The following DLG2 variants were observed in gnomAD, a reference collection of about 807,000 sequenced individuals.
The protein encoded by DLG2 is discs large MAGUK scaffold protein 2.
DLG2 carries 45 observed loss-of-function variants against 132.5 expected under a neutral mutation model. The observed-to-expected ratio is 0.34, with a 90% CI of 0.27 to 0.44. DLG2 has a LOEUF of 0.44. Ranked by LOEUF, DLG2 falls within the 20% of genes least tolerant of loss-of-function variation. The probability of loss-of-function intolerance (pLI) is 1.00; values close to 1 mark genes in which losing one functional copy is unlikely to be tolerated. For missense variants in DLG2, 1,045 were observed against 1,196.9 expected (o/e 0.87, Z 1.87); for synonymous variants, 424 against 419.6 (o/e 1.01, Z -0.13).
chr11:83,981,193 T>C (rs1177780083), intron 11 of DLG2, among the ~76,000 whole-genome samples: 1 of 152,158 alleles, frequency 6.6e-6, no homozygotes, highest in African/African-American at 2.4e-5. Context: ...TTTATATACA[T>C]GTAATAATTT....
intron 6 of DLG2, among the ~76,000 whole-genome samples, chr11:84,658,700 C>T (rs938106750): frequency 6.6e-6 from 1 of 152,124 alleles, no homozygotes; most frequent in Non-Finnish European, 1.5e-5. Context: ...CTCTTGCTCT[C>T]TCTCTGGCCA....
chr11:83,965,715 T>C (rs960181724), intron 12 of DLG2, among the ~76,000 whole-genome samples: 4 of 151,954 alleles, frequency 2.6e-5, no homozygotes, highest in Non-Finnish European at 5.9e-5. Flanking sequence ...ATAGTATTTG[T>C]GGGAAGGAAA....
chr11:84,816,889 A>G (rs923793321), intron 6 of DLG2, among the ~76,000 whole-genome samples: 2 of 152,042 alleles, frequency 1.3e-5, no homozygotes, highest in Non-Finnish European at 2.9e-5. Flanking sequence ...TACAACATTT[A>G]CTGCCATTCT....
intron 7 of DLG2, among the ~76,000 whole-genome samples, chr11:84,501,455 C>G (rs1055474400): frequency 6.6e-6 from 1 of 152,160 alleles, no homozygotes; most frequent in African/African-American, 2.4e-5. Flanking sequence ...GTCCTAGATA[C>G]TCCAGAGGCT....
chr11:85,476,763 C>T (rs1397627044), intron 3 of DLG2, among the ~76,000 whole-genome samples: 1 of 152,090 alleles, frequency 6.6e-6, no homozygotes, highest in African/African-American at 2.4e-5. Context: ...CAATAACATA[C>T]ATGGATCTGT....
intron 14 of DLG2, among the ~76,000 whole-genome samples, chr11:83,951,963 T>C (rs192235496): frequency 1.2e-4 from 18 of 152,160 alleles, no homozygotes; most frequent in South Asian, 2.1e-4. Flanking sequence ...GGACTGCATA[T>C]AGAATATGAA....
At position 84,988,130 on chromosome 11, in the gene DLG2, C is replaced by T. The variant is rs113890108; in HGVS notation, c.357+123531G>A. ...AGAAGATATAAAAATGGCCAAGAAACGTAGGAAAAAATGCTCAACGTCACT... is the reference window on the plus strand; with the variant it reads ...AGAAGATATAAAAATGGCCAAGAAATGTAGGAAAAAATGCTCAACGTCACT... On this transcript the variant is annotated intron_variant, in intron 6 of 27. Coordinates refer to ENST00000376104, the MANE Select transcript of DLG2 (RefSeq NM_001142699.3). 3.4e-3 allele frequency among the ~76,000 whole-genome samples: 507 copies of T among 151,332 alleles called. 5 individuals are homozygous for T. The highest frequency in any genetic ancestry group is 0.011 in the African/African-American group (463 of 40,766).
At chr11:84,064,763 T>C (rs1242829409) in intron 10 of DLG2, among the ~76,000 whole-genome samples, 2 of 152,152 alleles carry the variant, frequency 1.3e-5, no homozygotes, top group Admixed American at 1.3e-4. Context: ...GAAAGTGTTT[T>C]TAAAATTTTG....
At chr11:85,489,895 T>C (rs1419018050) in intron 3 of DLG2, among the ~76,000 whole-genome samples, 3 of 152,026 alleles carry the variant, frequency 2.0e-5, no homozygotes, top group Admixed American at 1.3e-4. Context: ...AAAAAATGAG[T>C]AAATAAAAAT....
At chr11:85,171,455 G>C (rs1004951345) in intron 4 of DLG2, among the ~76,000 whole-genome samples, 1 of 152,196 alleles carries the variant, frequency 6.6e-6, no homozygotes, top group Non-Finnish European at 1.5e-5. Context: ...TGGATCCGAA[G>C]CAGAGAGCTG....
chr11:85,480,322 A>G (rs1336210931), intron 3 of DLG2, among the ~76,000 whole-genome samples: 1 of 152,198 alleles, frequency 6.6e-6, no homozygotes, highest in Non-Finnish European at 1.5e-5. Flanking sequence ...ATTATGATAA[A>G]CAAAATATGG....
At chr11:84,465,381 T>C (rs1388003272) in intron 7 of DLG2, among the ~76,000 whole-genome samples, 1 of 151,228 alleles carries the variant, frequency 6.6e-6, no homozygotes, top group Non-Finnish European at 1.5e-5. Context: ...TTGCCTCATA[T>C]CTACTTACTA....
intron 6 of DLG2, among the ~76,000 whole-genome samples, chr11:84,616,586 C>G (rs1021801212): frequency 1.3e-5 from 2 of 151,980 alleles, no homozygotes; most frequent in Non-Finnish European, 2.9e-5. Flanking sequence ...TGAAAAGAGT[C>G]CTAAATTTTA....
intron 7 of DLG2, among the ~76,000 whole-genome samples, chr11:84,491,875 T>C (rs1360455361): frequency 2.0e-5 from 3 of 152,162 alleles, no homozygotes; most frequent in Non-Finnish European, 4.4e-5. Flanking sequence ...GGCCCGGTCA[T>C]TGATTAAGCT....
chr11:84,719,149 A>G (rs2061523670), intron 6 of DLG2, among the ~76,000 whole-genome samples: 1 of 152,088 alleles, frequency 6.6e-6, no homozygotes, highest in African/African-American at 2.4e-5. Flanking sequence ...CTGACTCCCA[A>G]TTTTTCCGTT....
At chr11:85,216,955 A>C (rs1031971444) in intron 4 of DLG2, among the ~76,000 whole-genome samples, 5 of 152,040 alleles carry the variant, frequency 3.3e-5, no homozygotes, top group Non-Finnish European at 5.9e-5. Flanking sequence ...AGGCCTCCCA[A>C]AGTGCTGTGA....
chr11:85,364,351 G>C (rs1227695997), intron 3 of DLG2, among the ~76,000 whole-genome samples: 1 of 152,150 alleles, frequency 6.6e-6, no homozygotes, highest in African/African-American at 2.4e-5. Context: ...GCAGACTGGA[G>C]TACCAGGGAA....
intron 6 of DLG2, among the ~76,000 whole-genome samples, chr11:84,846,586 A>C (rs1369930139): frequency 2.6e-5 from 4 of 152,136 alleles, no homozygotes; most frequent in African/African-American, 9.7e-5. Context: ...TAGCAATCAC[A>C]GTAATGTTTA....
At chr11:85,413,088 T>G (rs1169044223) in intron 3 of DLG2, among the ~76,000 whole-genome samples, 2 of 151,948 alleles carry the variant, frequency 1.3e-5, no homozygotes, top group Non-Finnish European at 2.9e-5. Flanking sequence ...TTTTTTGATT[T>G]TTTATTGTGG....
Sources: allele counts gnomAD v4.1 joint callset (sites outside exome capture counted in the v4.1 genomes callset), GRCh38; gene constraint gnomAD v4.1.1; transcripts MANE v1.5; gene names NCBI Gene and HGNC (gene_info 2026-07-23, HGNC 2026-07-21).